Variants in MACROD2 observed in about 807,000 individuals in gnomAD.
MACROD2 encodes the protein ADP-ribose glycohydrolase MACROD2.
Under a neutral mutation model 70.4 loss-of-function variants are expected in MACROD2, and 36 were observed. The observed-to-expected ratio is 0.51, with a 90% CI of 0.39 to 0.68. The LOEUF is 0.68. Among genes scored for constraint, MACROD2 ranks in the 30% least tolerant of loss-of-function variants. MACROD2 has a pLI of 0.00. For synonymous variants in MACROD2, 172 were observed against 178.8 expected, an observed-to-expected ratio of 0.96 and a Z score of 0.30; for missense variants, 496 against 538.4, an observed-to-expected ratio of 0.92 and a Z score of 0.78.
At chr20:14,535,207 T>C (rs577815143) in intron 4 of MACROD2, among the ~76,000 whole-genome samples, 1 of 152,274 alleles carries the variant, frequency 6.6e-6, no homozygotes, top group East Asian at 1.9e-4. Context: ...TAGGCATCTT[T>C]ATAGGAGTTA....
intron 2 of MACROD2, among the ~76,000 whole-genome samples, chr20:14,014,557 A>G (rs1167753480): frequency 1.3e-5 from 2 of 152,134 alleles, no homozygotes; most frequent in Non-Finnish European, 2.9e-5. Context: ...ATGAGAATAA[A>G]TTGGCAACAG....
chr20:14,143,965 C>A (rs540767881), intron 3 of MACROD2, among the ~76,000 whole-genome samples: 3 of 152,240 alleles, frequency 2.0e-5, no homozygotes, highest in African/African-American at 7.2e-5. Flanking sequence ...AAGCCTCACA[C>A]TGGGCAAAGG....
intron 4 of MACROD2, among the ~76,000 whole-genome samples, chr20:14,682,992 G>A (rs577184233): frequency 6.6e-6 from 1 of 152,174 alleles, no homozygotes; most frequent in East Asian, 1.9e-4. Context: ...CAATTCTCCT[G>A]CCTCAGCCTC....
At chr20:15,396,757 C>T (rs896107676) in intron 6 of MACROD2, among the ~76,000 whole-genome samples, 9 of 152,198 alleles carry the variant, frequency 5.9e-5, no homozygotes, top group Non-Finnish European at 7.4e-5. Context: ...GATTCCTTCC[C>T]GCTGGGACAT....
chr20:14,702,850 C>A (rs2071223710), intron 5 of MACROD2, among the ~76,000 whole-genome samples: 1 of 151,122 alleles, frequency 6.6e-6, no homozygotes, highest in African/African-American at 2.4e-5. Flanking sequence ...GCCTCAGCCT[C>A]CCTAGTAGCT....
At chr20:14,311,628 A>C (rs1488211410) in intron 3 of MACROD2, among the ~76,000 whole-genome samples, 1 of 151,966 alleles carries the variant, frequency 6.6e-6, no homozygotes, top group Non-Finnish European at 1.5e-5. Context: ...ATTGATTCTC[A>C]TGCCTCAGCC....
rs2122574019 is a variant in MACROD2, at chr20:14,326,199, CAAAGCAGTCATAGGTAGAGCA to C, written c.272-167278_272-167258del. On this transcript the variant is annotated intron_variant, in intron 3 of 17. Coordinates refer to ENST00000684519, the MANE Select transcript of MACROD2 (RefSeq NM_001351661.2). This position sits in a 1 kb window ranked among gnomAD's most constrained non-coding sequence, Gnocchi z 5.5. ...GGCCCAGTTTAAGCCAGCTGAGTCT[CAAAGCAGTCATAGGTAGAGCA>C]AGTTTCCAAGAGATATGAATGGTAT... The C allele has an allele frequency of 6.2e-7, 1 of 1,613,878 alleles. No homozygotes were observed. The highest frequency in any genetic ancestry group is 1.1e-5 in the South Asian group (1 of 91,076).
At chr20:16,013,960 A>G (rs181874483) in intron 15 of MACROD2, among the ~76,000 whole-genome samples, 30 of 152,326 alleles carry the variant, frequency 2.0e-4, no homozygotes, top group African/African-American at 7.2e-4. Flanking sequence ...CATCCTGGCT[A>G]TATCTACCAT....
At chr20:15,787,730 T>A (rs1433846928) in intron 8 of MACROD2, among the ~76,000 whole-genome samples, 1 of 152,182 alleles carries the variant, frequency 6.6e-6, no homozygotes, top group African/African-American at 2.4e-5. Flanking sequence ...TTTTAAAAAA[T>A]TTAAAGAAAT....
chr20:14,515,960 TATA>T (rs1482911131), intron 4 of MACROD2, among the ~76,000 whole-genome samples: 1 of 147,854 alleles, frequency 6.8e-6, no homozygotes, highest in Non-Finnish European at 1.5e-5. Flanking sequence ...CATTATATAT[TATA>T]TAATATATTT....
chr20:15,708,955 G>A (rs1256203322), intron 8 of MACROD2, among the ~76,000 whole-genome samples: 1 of 152,202 alleles, frequency 6.6e-6, no homozygotes, highest in Non-Finnish European at 1.5e-5. Context: ...GAGCCTGGGA[G>A]TTTGAAGCTG....
intron 3 of MACROD2, among the ~76,000 whole-genome samples, chr20:14,115,151 G>T (rs1184607878): frequency 6.6e-6 from 1 of 152,040 alleles, no homozygotes; most frequent in African/African-American, 2.4e-5. Flanking sequence ...AGGTTCAGTG[G>T]GTATTGGAAT....
At chr20:15,370,396 G>T (rs13037988) in intron 6 of MACROD2, among the ~76,000 whole-genome samples, 11,616 of 152,080 alleles carry the variant, frequency 0.076, 491 homozygotes, top group East Asian at 0.17. Flanking sequence ...TCACATTGAT[G>T]TTTAATTTAA....
chr20:14,900,083 T>A (rs554844580), intron 5 of MACROD2, among the ~76,000 whole-genome samples: 2 of 152,248 alleles, frequency 1.3e-5, no homozygotes, highest in East Asian at 3.9e-4. Context: ...ATGGTTTATA[T>A]CTTTGATTCT....
intron 7 of MACROD2, among the ~76,000 whole-genome samples, chr20:15,484,332 G>A (rs1050707486): frequency 6.6e-6 from 1 of 152,122 alleles, no homozygotes; most frequent in East Asian, 1.9e-4. Context: ...CAGGGGAGGG[G>A]AAGTATTATA....
At chr20:15,143,938 G>A (rs2074664124) in intron 5 of MACROD2, among the ~76,000 whole-genome samples, 1 of 110,484 alleles carries the variant, frequency 9.1e-6, no homozygotes, top group African/African-American at 3.7e-5. Context: ...AACGATCGCT[G>A]ATGAGCTAAA....
At chr20:14,540,389 T>A (rs1288632328) in intron 4 of MACROD2, among the ~76,000 whole-genome samples, 1 of 152,206 alleles carries the variant, frequency 6.6e-6, no homozygotes, top group Non-Finnish European at 1.5e-5. Context: ...CATATTTCAC[T>A]GTGTGCTTCC....
chr20:16,013,148 C>A lies in MACROD2; in HGVS notation c.1153+25990C>A, dbSNP rs113282093. On this transcript the variant is annotated intron_variant, in intron 15 of 17. Coordinates refer to ENST00000684519, the MANE Select transcript of MACROD2 (RefSeq NM_001351661.2). ...TGAGCCAGGATCACGTGACTGCACT[C>A]CAACCTGGTGACAGAGCAAGACTCT... 9.1e-3 allele frequency among the ~76,000 whole-genome samples: 1,364 copies of A among 150,408 alleles called. 7 individuals are homozygous for A. The highest frequency in any genetic ancestry group is 0.014 in the Non-Finnish European group (961 of 67,792).
At chr20:15,001,246 A>T (rs113433024) in intron 5 of MACROD2, among the ~76,000 whole-genome samples, 1,739 of 152,288 alleles carry the variant, frequency 0.011, 39 homozygotes, top group Admixed American at 0.041. Context: ...AAGCTACCAG[A>T]TCACCTCTCA....
Sources: allele counts gnomAD v4.1 joint callset (sites outside exome capture counted in the v4.1 genomes callset), GRCh38; gene constraint gnomAD v4.1.1; non-coding constraint Gnocchi (gnomAD v3.1); transcripts MANE v1.5; gene names NCBI Gene and HGNC (gene_info 2026-07-23, HGNC 2026-07-21).